AAMP: variants seen among roughly 807,000 people sequenced by gnomAD.
AAMP encodes the protein angio-associated migratory cell protein.
A neutral mutation model predicts 51.1 loss-of-function variants in AAMP; 12 were observed. The ratio of observed to expected loss-of-function variants is 0.23; its 90% CI spans 0.15 to 0.38. AAMP has a LOEUF of 0.38. AAMP is among the 10% of genes least tolerant of loss of function. The probability of loss-of-function intolerance (pLI) is 1.00; values close to 1 mark genes in which losing one functional copy is unlikely to be tolerated. For synonymous variants in AAMP, 210 were observed against 218.7 expected (o/e 0.96, Z 0.35); for missense variants, 418 against 557.2 (o/e 0.75, Z 2.52).
rs1690605028 is a variant in AAMP, at chr2:218,265,540, AG to A, written c.983+38del. 1.3e-6 allele frequency: 2 copies of A among 1,486,182 alleles called. No individual in the cohort carries two copies. The highest frequency in any genetic ancestry group is 1.9e-6 in the Non-Finnish European group (2 of 1,063,768). 92.1% of individuals were successfully genotyped at this position (1,486,182 alleles called of 1,614,324 possible). A position where few individuals can be genotyped will look rare whatever the true frequency, so the allele number is the denominator to read the frequency against. On this transcript the variant is annotated intron_variant, in intron 8 of 10. Coordinates refer to ENST00000248450, the MANE Select transcript of AAMP (RefSeq NM_001087.5). The surrounding 1 kb of genome is among the most constrained non-coding windows in gnomAD (Gnocchi z 6.6). ...TGCCGTCCTCCCGGGCCCCCAGCCC[AG>A]GCCCCTCCCACAAACCCCTTTCCCC...
Position 218,265,397 on chromosome 2 carries a change from T to C in AAMP, c.1048A>G (p.Thr350Ala). 1.3e-6 allele frequency: 2 copies of C among 1,561,084 alleles called. No homozygotes were observed. Among genetic ancestry groups the C allele is most frequent in the Non-Finnish European group, 8.7e-7 (1 of 1,151,736 alleles). Residue 350 changes from threonine to alanine, a missense_variant, in exon 9 of 11, where the codon ACT becomes GCT. By Grantham distance (58) the Thr-to-Ala change is moderately conservative. Coordinates refer to ENST00000248450, the MANE Select transcript of AAMP (RefSeq NM_001087.5). The surrounding 1 kb of genome is among the most constrained non-coding windows in gnomAD (Gnocchi z 6.6). ...TLAIYDLATQ[T>A]LRHQCQHQSG... ...TGGTGCTGACACTGATGCCTAAGAG[T>C]CTGCGTAGCCAGGTCATAGATGGCC...
intron 1 of AAMP, 88 bp from the exon 2 acceptor site, chr2:218,269,622 G>C (rs749295104): frequency 8.7e-6 from 14 of 1,602,636 alleles, no homozygotes; most frequent in Admixed American, 1.7e-5. Flanking sequence ...GCTGGGGCGG[G>C]TCATGTGGCG....
chr2:218,266,193 T>C lies in AAMP; in HGVS notation c.680-46A>G, dbSNP rs745832404. 1 of 1,548,934 alleles carries C rather than the reference T, an allele frequency of 6.5e-7. No individual in the cohort carries two copies. The highest frequency in any genetic ancestry group is 8.9e-7 in the Non-Finnish European group (1 of 1,121,368). On this transcript the variant is annotated intron_variant, in intron 5 of 10. Transcript: ENST00000248450. This position sits in a 1 kb window ranked among gnomAD's most constrained non-coding sequence, Gnocchi z 4.7. ...AGAGAGGGCAGAGGGCACGCTCACATACACTAAGCAAGGGAATGGGGAGAG... is the reference window on the plus strand; with the variant it reads ...AGAGAGGGCAGAGGGCACGCTCACACACACTAAGCAAGGGAATGGGGAGAG...
In AAMP at chr2:218,266,634, A is replaced by AC; in HGVS notation, c.535-48dup. 1 of 1,585,768 alleles carries AC rather than the reference A, an allele frequency of 6.3e-7. No homozygotes were observed. The highest frequency in any genetic ancestry group is 8.6e-7 in the Non-Finnish European group (1 of 1,162,314). The stretch of plus-strand genomic sequence containing the variant: ...GCAGGGAGGCCCGTCACCCCATCCC[A>AC]CCTAGAAGCCTGCCCCATGAGCTCC... On this transcript the variant is annotated intron_variant, in intron 4 of 10. Coordinates refer to ENST00000248450, the MANE Select transcript of AAMP (RefSeq NM_001087.5). This position sits in a 1 kb window ranked among gnomAD's most constrained non-coding sequence, Gnocchi z 4.7.
rs137939808 is a variant in AAMP at position 218,269,525 on chromosome 2, G to A, written c.131C>T (p.Ala44Val). 187 of 1,614,140 alleles carry A rather than the reference G, an allele frequency of 1.2e-4. No homozygotes were observed. In the East Asian group the frequency reaches 4.0e-3, roughly 34 times the overall value. Reference protein sequence around the residue: ...DPGPPDPDDLAQEMEDVDFEE... With the variant: ...DPGPPDPDDLVQEMEDVDFEE... ...AAAGTCCACATCTTCCATCTCCTGGGCCAGGTCATCTGCTTTGGGGAGAGG... is the reference window on the plus strand; with the variant it reads ...AAAGTCCACATCTTCCATCTCCTGGACCAGGTCATCTGCTTTGGGGAGAGG... The change falls in exon 2 of 11, where the codon GCC (alanine) becomes GTC (valine). Residue 44 changes from alanine (A) to valine (V), a missense_variant. By Grantham distance (64) the Ala-to-Val change is moderately conservative (BLOSUM62 0). Transcript: ENST00000248450.
In AAMP at chr2:218,267,541, G is replaced by C. The variant is rs1690663349; in HGVS notation, c.347C>G (p.Ala116Gly). ...CCCATCGCTGAGCCGCCATACGAAG[G>C]CTTTGTCATCTTCACCCCCGGTCAC... The part of the protein sequence containing the change: ...LAVTGGEDDK[A>G]FVWRLSDGEL... The change falls in exon 3 of 11, where the codon GCC becomes GGC. Residue 116 changes from alanine to glycine, a missense_variant. Ala to Gly is a moderately conservative substitution (Grantham distance 60). Coordinates refer to ENST00000248450, the MANE Select transcript of AAMP (RefSeq NM_001087.5). This position sits in a 1 kb window ranked among gnomAD's most constrained non-coding sequence, Gnocchi z 4.6. 7 of 1,614,084 alleles carry C rather than the reference G, an allele frequency of 4.3e-6. No individual in the cohort carries two copies. Among genetic ancestry groups the C allele is most frequent in the Non-Finnish European group, 4.2e-6 (5 of 1,179,992 alleles).
chr2:218,266,060 A>G lies in AAMP; in HGVS notation c.763+4T>C, dbSNP rs768740919. On this transcript the variant is annotated splice_donor_region_variant and intron_variant, in intron 6 of 10. Coordinates refer to ENST00000248450, the MANE Select transcript of AAMP (RefSeq NM_001087.5). This position sits in a 1 kb window ranked among gnomAD's most constrained non-coding sequence, Gnocchi z 4.7. Reference sequence around the variant, plus strand: ...CAGGCTAACACTTCCCCCACCTCTGATACCTTTCAGTACATGGATAGGGCT... The same window carrying G: ...CAGGCTAACACTTCCCCCACCTCTGGTACCTTTCAGTACATGGATAGGGCT... 6.2e-6 allele frequency: 10 copies of G among 1,613,868 alleles called. No homozygotes were observed. Among genetic ancestry groups the G allele is most frequent in the Non-Finnish European group, 8.5e-6 (10 of 1,179,910 alleles).
chr2:218,267,409 T>A lies in AAMP; in HGVS notation c.394+85A>T, dbSNP rs1405410622. 1.3e-5 allele frequency: 20 copies of A among 1,569,634 alleles called. No individual in the cohort carries two copies. In the East Asian group the frequency reaches 4.5e-4, roughly 35 times the overall value. On this transcript the variant is annotated intron_variant, in intron 3 of 10. Transcript: ENST00000248450. This position sits in a 1 kb window ranked among gnomAD's most constrained non-coding sequence, Gnocchi z 4.6. ...AAAAGAGATGTCACTAAGTGGCTGT[T>A]GGATGCACAACCTCTGCAGGTCAGC... is the stretch of plus-strand genomic sequence containing the variant.
At position 218,268,749 on chromosome 2, in the gene AAMP, AGTGCAATGGCGCAGTCTTG is replaced by A. The variant is rs1203841560; in HGVS notation, c.274+614_274+632del. ...ACTCTCATTCTGTTGCCCAGGCTGG[AGTGCAATGGCGCAGTCTTG>A]GTCCACTGCAACCTCCGCCTCCCGG... On this transcript the variant is annotated intron_variant, in intron 2 of 10. Coordinates refer to ENST00000248450, the MANE Select transcript of AAMP (RefSeq NM_001087.5). 1.2e-3 allele frequency among the ~76,000 whole-genome samples: 165 copies of A among 134,220 alleles called. 1 individual carries two copies. Among genetic ancestry groups the A allele is most frequent in the African/African-American group, 4.6e-3 (160 of 34,502 alleles). The allele number at this position is 134,220 out of a possible 152,430, so 88.1% of individuals were successfully genotyped here. A position where few individuals can be genotyped will look rare whatever the true frequency, so the allele number is the denominator to read the frequency against.
At chr2:218,269,829 T>G in intron 1 of AAMP, 137 bp downstream of exon 1, 1 of 1,348,102 alleles carries the variant, frequency 7.4e-7, no homozygotes. Flanking sequence ...AGTGTGAGGG[T>G]GGGAGTGGGG....
chr2:218,269,282 G>T (rs1473383205), intron 2 of AAMP, 100 bp downstream of exon 2: 1 of 1,478,492 alleles, frequency 6.8e-7, no homozygotes, highest in Non-Finnish European at 9.4e-7. Flanking sequence ...CCAGCATCTT[G>T]CCCATCTCTG....
Position 218,267,934 on chromosome 2 carries a change from G to A in AAMP, c.275-321C>T, listed in dbSNP as rs1172368516. Among the ~76,000 whole-genome samples, 2 of 152,156 alleles carry A rather than the reference G, an allele frequency of 1.3e-5. No homozygotes were observed. The highest frequency in any genetic ancestry group is 2.9e-5 in the Non-Finnish European group (2 of 68,028). The stretch of plus-strand genomic sequence containing the variant: ...TGGGATGCCACCGGGGTTGGGTACA[G>A]AGCGAGGAGAGCATCACGTTAAGGG... On this transcript the variant is annotated intron_variant, in intron 2 of 10. Transcript: ENST00000248450. The surrounding 1 kb of genome is among the most constrained non-coding windows in gnomAD (Gnocchi z 4.6).
In AAMP at chr2:218,266,529, G is replaced by A. The variant is rs1310340441; in HGVS notation, c.593C>T (p.Thr198Ile). ...VLLAGTADGN[T>I]WMWKVPNGDC... ...ACCATTCGGGACTTTCCACATCCAG[G>A]TGTTGCCGTCAGCTGTGCCCGCCAA... Residue 198 changes from threonine to isoleucine, a missense_variant, in exon 5 of 11, where the codon ACC (threonine) becomes ATC (isoleucine). Thr to Ile is a moderately conservative substitution (Grantham distance 89, BLOSUM62 -1). Coordinates refer to ENST00000248450, the MANE Select transcript of AAMP (RefSeq NM_001087.5). This position sits in a 1 kb window ranked among gnomAD's most constrained non-coding sequence, Gnocchi z 4.7. The A allele has an allele frequency of 2.5e-6, 4 of 1,613,858 alleles. No individual in the cohort carries two copies. In the South Asian group the frequency reaches 3.3e-5, roughly 13 times the overall value.
chr2:218,264,538 G>T lies in AAMP; in HGVS notation c.1300C>A (p.Arg434Ser). Reference sequence around the variant, plus strand: ...ACAGGCAGGGGCTGCAGCCATTAACGGTCAGGCCTTTGGACACAAAATACT... The same window carrying T: ...ACAGGCAGGGGCTGCAGCCATTAACTGTCAGGCCTTTGGACACAAAATACT... ...AKVFCVQRPD[R>S] is the part of the protein sequence containing the mutation. Residue 434 changes from arginine (R) to serine (S), a missense_variant, in exon 11 of 11, where the codon CGT (arginine) becomes AGT (serine). Physicochemically the swap from Arg to Ser is moderately radical, Grantham distance 110. Coordinates refer to ENST00000248450, the MANE Select transcript of AAMP (RefSeq NM_001087.5). The T allele has an allele frequency of 6.2e-7, 1 of 1,614,000 alleles. No individual in the cohort carries two copies. The highest frequency in any genetic ancestry group is 8.5e-7 in the Non-Finnish European group (1 of 1,179,902).
In AAMP at chr2:218,270,073, G is replaced by A. The variant is rs1374108454; in HGVS notation, c.14C>T (p.Ser5Leu). MESESESGAAADTPP... is the reference protein window; with the variant it reads MESELESGAAADTPP... Reference sequence around the variant, plus strand: ...GGTGTCAGCAGCAGCCCCGCTTTCCGATTCGGACTCCATGCGGCGCAAGCG... The same window carrying A: ...GGTGTCAGCAGCAGCCCCGCTTTCCAATTCGGACTCCATGCGGCGCAAGCG... The change falls in exon 1 of 11, where the codon TCG becomes TTG. Residue 5 changes from serine to leucine, a missense_variant. Ser to Leu is a moderately radical substitution (Grantham distance 145). Coordinates refer to ENST00000248450, the MANE Select transcript of AAMP (RefSeq NM_001087.5). The A allele has an allele frequency of 6.2e-7, 1 of 1,613,968 alleles. No homozygotes were observed. Among genetic ancestry groups the A allele is most frequent in the African/African-American group, 1.3e-5 (1 of 75,056 alleles).
rs987258937 is a variant in AAMP, at chr2:218,264,434, C to A, written c.*99G>T. On this transcript the variant is annotated 3_prime_UTR_variant, in exon 11 of 11. Coordinates refer to ENST00000248450, the MANE Select transcript of AAMP (RefSeq NM_001087.5). ...GCTGGAAAGTCATCCAGGGCCCCAC[C>A]CTCCTCTTCCCTCTGTGCCCTACTG... The A allele has an allele frequency of 1.5e-4, 173 of 1,178,762 alleles. No individual in the cohort carries two copies. The highest frequency in any genetic ancestry group is 2.0e-4 in the Non-Finnish European group (158 of 790,220). The allele number at this position is 1,178,762 out of a possible 1,614,324, so 73.0% of individuals were successfully genotyped here.
chr2:218,264,406 G>A lies in AAMP; in HGVS notation c.*127C>T, dbSNP rs1690566869. ...AGGAGAGGGGAGCAAGTCAGTTGAA[G>A]AGGCTGGAAAGTCATCCAGGGCCCC... On this transcript the variant is annotated 3_prime_UTR_variant, in exon 11 of 11. Coordinates refer to ENST00000248450, the MANE Select transcript of AAMP (RefSeq NM_001087.5). The A allele has an allele frequency of 1.1e-6, 1 of 889,600 alleles. No homozygotes were observed. Among genetic ancestry groups the A allele is most frequent in the Non-Finnish European group, 1.8e-6 (1 of 542,728 alleles). 55.1% of individuals were successfully genotyped at this position (889,600 alleles called of 1,614,324 possible). A position where few individuals can be genotyped will look rare whatever the true frequency, so the allele number is the denominator to read the frequency against.
In AAMP at chr2:218,270,061, G is replaced by C; in HGVS notation, c.26C>G (p.Ala9Gly). Residue 9 changes from alanine (A) to glycine (G), a missense_variant, in exon 1 of 11, where the codon GCT becomes GGT. Ala to Gly is a moderately conservative substitution (Grantham distance 60). Coordinates refer to ENST00000248450, the MANE Select transcript of AAMP (RefSeq NM_001087.5). The part of the protein sequence containing the change: MESESESG[A>G]AADTPPLETL... ...CTCCAGTGGGGGGGTGTCAGCAGCA[G>C]CCCCGCTTTCCGATTCGGACTCCAT... 1 of 1,614,084 alleles carries C rather than the reference G, an allele frequency of 6.2e-7. No homozygotes were observed. The highest frequency in any genetic ancestry group is 8.5e-7 in the Non-Finnish European group (1 of 1,179,988).
chr2:218,264,344 TG>T lies in AAMP; in HGVS notation c.*188del. 1.7e-6 allele frequency: 1 copy of T among 602,792 alleles called. No individual in the cohort carries two copies. Among genetic ancestry groups the T allele is most frequent in the Non-Finnish European group, 2.9e-6 (1 of 339,054 alleles). 37.3% of individuals were successfully genotyped at this position (602,792 alleles called of 1,614,324 possible). On this transcript the variant is annotated 3_prime_UTR_variant, in exon 11 of 11. Coordinates refer to ENST00000248450, the MANE Select transcript of AAMP (RefSeq NM_001087.5). ...AGGGCCCACCAGGTCTGGACAAGGG[TG>T]GGAGGGCCCTGGGCTGGGTCTCTAA...
Sources: allele counts gnomAD v4.1 joint callset (sites outside exome capture counted in the v4.1 genomes callset), GRCh38; gene constraint gnomAD v4.1.1; non-coding constraint Gnocchi (gnomAD v3.1); transcripts MANE v1.5; gene names NCBI Gene and HGNC (gene_info 2026-07-23, HGNC 2026-07-21).